Variants in MICOS10 observed in about 807,000 individuals in gnomAD.
The protein encoded by MICOS10 is MICOS complex subunit MIC10.
MICOS10 carries 5 observed loss-of-function variants against 13.4 expected under a neutral mutation model. That is an observed-to-expected ratio of 0.37 (90% CI 0.20 to 0.78). The LOEUF (loss-of-function observed/expected upper bound fraction) is 0.78. Among genes scored for constraint, MICOS10 ranks in the 30% least tolerant of loss-of-function variants. MICOS10 has a pLI of 0.47. For synonymous variants in MICOS10, 35 were observed against 33.6 expected (o/e 1.04, Z -0.15); for missense variants, 101 against 94.6 (o/e 1.07, Z -0.28).
intron 1 of MICOS10, chr1:19,608,620 TAAATA>T (rs1558340502): frequency 1.4e-6 from 1 of 709,390 alleles, no homozygotes; most frequent in South Asian, 1.5e-5. Context: ...ATGTAAAAAA[TAAATA>T]AAAAAAGTGA....
chr1:19,613,296 A>G (rs2094870960), intron 1 of MICOS10, among the ~76,000 whole-genome samples: 1 of 152,230 alleles, frequency 6.6e-6, no homozygotes, highest in Non-Finnish European at 1.5e-5. Context: ...AGTGAACTAC[A>G]TAAAGTACAC....
chr1:19,618,061 C>T (rs2094890655), intron 1 of MICOS10, among the ~76,000 whole-genome samples: 1 of 151,412 alleles, frequency 6.6e-6, no homozygotes, highest in East Asian at 1.9e-4. Context: ...CAGTGTGATC[C>T]TACGTAGCCA....
At chr1:19,600,857 T>C (rs2094811377) in intron 1 of MICOS10, 6 of 1,285,384 alleles carry the variant, frequency 4.7e-6, no homozygotes, top group Non-Finnish European at 6.1e-6. Context: ...TACCTTGGCC[T>C]CCCAACGTGC....
chr1:19,623,435 A>G (rs1173460016), intron 2 of MICOS10, 39 bp from the exon 3 acceptor site: 3 of 1,303,428 alleles, frequency 2.3e-6, no homozygotes, highest in Admixed American at 3.5e-5. Context: ...TCTTCTCTTA[A>G]TAATTCCCTA....
intron 3 of MICOS10, chr1:19,625,270 A>G: frequency 9.7e-7 from 1 of 1,035,494 alleles, no homozygotes; most frequent in Non-Finnish European, 1.3e-6. Flanking sequence ...CACTGTAACA[A>G]CAAGTAGAGT....
rs1261820169 is a variant in MICOS10 at position 19,627,971 on chromosome 1, G to C, written c.*1570G>C. ...CTTGTTTTCCTCTTTATTGCTACTTGGCTGTTTTTCACTTGGTCCTCTTCA... is the reference window on the plus strand; with the variant it reads ...CTTGTTTTCCTCTTTATTGCTACTTCGCTGTTTTTCACTTGGTCCTCTTCA... On this transcript the variant is annotated 3_prime_UTR_variant, in exon 4 of 4. Coordinates refer to ENST00000322753, the MANE Select transcript of MICOS10 (RefSeq NM_001032363.4). The C allele has an allele frequency of 6.6e-6, 1 of 152,208 alleles. No homozygotes were observed. The highest frequency in any genetic ancestry group is 1.5e-5 in the Non-Finnish European group (1 of 68,092). 9.4% of individuals were successfully genotyped at this position (152,208 alleles called of 1,614,324 possible).
At chr1:19,611,833 G>T (rs1363079259) in intron 1 of MICOS10, among the ~76,000 whole-genome samples, 2 of 151,328 alleles carry the variant, frequency 1.3e-5, no homozygotes, top group Non-Finnish European at 2.9e-5. Context: ...TTAGCTGGGC[G>T]TGGTGGCATG....
chr1:19,621,115 A>T (rs1393426619), intron 1 of MICOS10, among the ~76,000 whole-genome samples: 1 of 152,218 alleles, frequency 6.6e-6, no homozygotes, highest in Non-Finnish European at 1.5e-5. Flanking sequence ...GAGTGAGGCA[A>T]GTCGCCTTAA....
chr1:19,622,898 C>T (rs2094908683), intron 2 of MICOS10, among the ~76,000 whole-genome samples: 1 of 148,194 alleles, frequency 6.7e-6, no homozygotes, highest in African/African-American at 2.5e-5. Flanking sequence ...AAAGGTTTAT[C>T]TAGTGTTTTC....
chr1:19,620,485 G>C (rs549832831), intron 1 of MICOS10, among the ~76,000 whole-genome samples: 1 of 152,130 alleles, frequency 6.6e-6, no homozygotes, highest in Non-Finnish European at 1.5e-5. Context: ...AAAGAGAATA[G>C]CCTTATTACT....
chr1:19,623,522 C>T lies in MICOS10; in HGVS notation c.161C>T (p.Ala54Val), dbSNP rs1357052023. Residue 54 changes from alanine to valine, a missense_variant, in exon 3 of 4, where the codon GCT becomes GTT. Ala to Val is a moderately conservative substitution (Grantham distance 64). Coordinates refer to ENST00000322753, the MANE Select transcript of MICOS10 (RefSeq NM_001032363.4). The stretch of plus-strand genomic sequence containing the variant: ...GGTTCTGGCATGGGATTAGGAATGG[C>T]TTATTCCAACTGTCAGCATGATTTC... ...AFGSGMGLGM[A>V]YSNCQHDFQA... 1 of 1,613,210 alleles carries T rather than the reference C, an allele frequency of 6.2e-7. No homozygotes were observed. The highest frequency in any genetic ancestry group is 8.5e-7 in the Non-Finnish European group (1 of 1,179,784).
At chr1:19,614,427 T>G (rs899977253) in intron 1 of MICOS10, 4 of 151,300 alleles carry the variant, frequency 2.6e-5, no homozygotes, top group Non-Finnish European at 4.4e-5. Flanking sequence ...CACACACACA[T>G]TCACTCTCCT....
At chr1:19,604,019 TA>T (rs1378289108) in intron 1 of MICOS10, among the ~76,000 whole-genome samples, 1 of 152,222 alleles carries the variant, frequency 6.6e-6, no homozygotes, top group Non-Finnish European at 1.5e-5. Flanking sequence ...CAGTGAACTG[TA>T]GTGGCATACA....
At chr1:19,607,049 CCTCT>C (rs1156765949) in intron 1 of MICOS10, among the ~76,000 whole-genome samples, 3 of 152,214 alleles carry the variant, frequency 2.0e-5, no homozygotes, top group Non-Finnish European at 4.4e-5. Flanking sequence ...CAAACTGATA[CCTCT>C]CTATTTCATG....
At chr1:19,625,591 G>A in intron 3 of MICOS10, 1 of 1,289,458 alleles carries the variant, frequency 7.8e-7, no homozygotes. Flanking sequence ...CATCAGAGCT[G>A]ATTGTGGGGA....
At chr1:19,605,113 T>A (rs1159024128) in intron 1 of MICOS10, among the ~76,000 whole-genome samples, 2 of 151,970 alleles carry the variant, frequency 1.3e-5, no homozygotes. Context: ...GCTGCAAGGG[T>A]AGGAAGGTGA....
intron 3 of MICOS10, chr1:19,625,603 A>T (rs1570514263): frequency 7.8e-7 from 1 of 1,289,390 alleles, no homozygotes; most frequent in East Asian, 5.5e-5. Context: ...TTGTGGGGAG[A>T]ACCGAAAGGA....
At chr1:19,619,818 A>G (rs1448044976) in intron 1 of MICOS10, among the ~76,000 whole-genome samples, 1 of 152,148 alleles carries the variant, frequency 6.6e-6, no homozygotes, top group Non-Finnish European at 1.5e-5. Context: ...TCCTCTCCAA[A>G]AGGCATGGTT....
intron 2 of MICOS10, 132 bp downstream of exon 2, chr1:19,622,279 C>T (rs1191743219): frequency 3.4e-6 from 2 of 584,850 alleles, no homozygotes; most frequent in Non-Finnish European, 5.8e-6. Context: ...GGTTAGGTAG[C>T]CCATTATAAA....
Sources: gnomAD v4.1 joint callset for allele counts (sites outside exome capture counted in the v4.1 genomes callset) on GRCh38, gnomAD v4.1.1 for gene constraint, MANE v1.5 for transcripts, NCBI Gene and HGNC (gene_info 2026-07-23, HGNC 2026-07-21) for gene names.